Variants in IFNA2 observed in about 807,000 individuals in gnomAD.
IFNA2 encodes interferon alpha-2.
For synonymous variants in IFNA2, 91 were observed against 80.7 expected (o/e 1.13, Z -0.68); for missense variants, 260 against 210.3 (o/e 1.24, Z -1.46).
At position 21,385,027 on chromosome 9, in the gene IFNA2, C is replaced by G. The variant is rs1269890791; in HGVS notation, c.303G>C (p.Glu101Asp). The G allele has an allele frequency of 4.3e-6, 7 of 1,613,826 alleles. No individual in the cohort carries two copies. The highest frequency in any genetic ancestry group is 5.9e-6 in the Non-Finnish European group (7 of 1,179,938). ...CAGTGTAGAATTTGTCTAGGAGGGTCTCATCCCAAGCAGCAGATGAGTCCT... is the reference window on the plus strand; with the variant it reads ...CAGTGTAGAATTTGTCTAGGAGGGTGTCATCCCAAGCAGCAGATGAGTCCT... Reference protein sequence around the residue: ...STKDSSAAWDETLLDKFYTEL... With the variant: ...STKDSSAAWDDTLLDKFYTEL... The change falls in exon 1 of 1, where the codon GAG (glutamate) becomes GAC (aspartate). Residue 101 changes from glutamate to aspartate, a missense_variant. Coordinates refer to ENST00000380206, the MANE Select transcript of IFNA2 (RefSeq NM_000605.4).
At chr9:21,385,146 GA>G in the IFNA2 span, 2 of 1,613,976 alleles carry the variant, frequency 1.2e-6, no homozygotes, top group Non-Finnish European at 1.7e-6. Flanking sequence ...TCCTCCTGGG[GA>G]AATCCAAAGT....
rs1365114080 is a variant in IFNA2 at position 21,385,282 on chromosome 9, G to A, written c.48C>T (p.Cys16=). The A allele has an allele frequency of 6.2e-7, 1 of 1,613,744 alleles. No homozygotes were observed. Among genetic ancestry groups the A allele is most frequent in the Admixed American group, 1.7e-5 (1 of 59,936 alleles). ...CACAGCCCACAGAGCAGCTTGACTT[G>A]CAGCTGAGCACCAGGAGGGCCACCA... The part of the protein sequence containing the change: ...ALLVALLVLS[C]KSSCSVGCDL... Residue 16 remains cysteine, a synonymous_variant, in exon 1 of 1, where the codon TGC becomes TGT. Transcript: ENST00000380206.
Position 21,385,023 on chromosome 9 carries a change from G to A in IFNA2, c.307C>T (p.Leu103Phe), listed in dbSNP as rs1157047267. 2 of 1,613,938 alleles carry A rather than the reference G, an allele frequency of 1.2e-6. No homozygotes were observed. Among genetic ancestry groups the A allele is most frequent in the African/African-American group, 2.7e-5 (2 of 74,994 alleles). ...KDSSAAWDET[L>F]LDKFYTELYQ... Reference sequence around the variant, plus strand: ...AGTTCAGTGTAGAATTTGTCTAGGAGGGTCTCATCCCAAGCAGCAGATGAG... The same window carrying A: ...AGTTCAGTGTAGAATTTGTCTAGGAAGGTCTCATCCCAAGCAGCAGATGAG... Residue 103 changes from leucine to phenylalanine, a missense_variant, in exon 1 of 1, where the codon CTC (leucine) becomes TTC (phenylalanine). By Grantham distance (22) the Leu-to-Phe change is conservative (BLOSUM62 0). Transcript: ENST00000380206.
rs1470237811 is a variant in IFNA2 at position 21,385,110 on chromosome 9, C to T, written c.220G>A (p.Glu74Lys). The T allele has an allele frequency of 1.2e-6, 2 of 1,613,818 alleles. No individual in the cohort carries two copies. The highest frequency in any genetic ancestry group is 1.7e-5 in the Admixed American group (1 of 59,958). ...EEFGNQFQKA[E>K]TIPVLHEMIQ... is the part of the protein sequence containing the mutation. ...ATCTCATGGAGGACAGGGATGGTTT[C>T]AGCCTTTTGGAACTGGTTGCCAAAC... Residue 74 changes from glutamate (E) to lysine (K), a missense_variant, in exon 1 of 1, where the codon GAA becomes AAA. Physicochemically the swap from Glu to Lys is moderately conservative, Grantham distance 56. Coordinates refer to ENST00000380206, the MANE Select transcript of IFNA2 (RefSeq NM_000605.4).
Position 21,385,295 on chromosome 9 carries a change from A to T in IFNA2, c.35T>A (p.Leu12Gln). The change falls in exon 1 of 1, where the codon CTG becomes CAG. Residue 12 changes from leucine to glutamine, a missense_variant. Coordinates refer to ENST00000380206, the MANE Select transcript of IFNA2 (RefSeq NM_000605.4). ...ALTFALLVAL[L>Q]VLSCKSSCSV... is the part of the protein sequence containing the mutation. The stretch of plus-strand genomic sequence containing the variant: ...GCAGCTTGACTTGCAGCTGAGCACC[A>T]GGAGGGCCACCAGTAAAGCAAAGGT... 6.2e-7 allele frequency: 1 copy of T among 1,613,410 alleles called. No individual in the cohort carries two copies. Among genetic ancestry groups the T allele is most frequent in the Non-Finnish European group, 8.5e-7 (1 of 1,179,682 alleles).
the IFNA2 span, chr9:21,384,908 G>GC: frequency 6.2e-7 from 1 of 1,613,860 alleles, no homozygotes; most frequent in Non-Finnish European, 8.5e-7. Flanking sequence ...TTTCCTCACA[G>GC]CCAGAATGGA....
In IFNA2 at chr9:21,384,706, TA is replaced by T; in HGVS notation, c.*56del. On this transcript the variant is annotated 3_prime_UTR_variant, in exon 1 of 1. Coordinates refer to ENST00000380206, the MANE Select transcript of IFNA2 (RefSeq NM_000605.4). ...CATGAGTCTTTGAAATGGCAGATCA[TA>T]AAAAGGTGAGCTGGCATACGAATCA... 6.8e-7 allele frequency: 1 copy of T among 1,475,310 alleles called. No individual in the cohort carries two copies. The highest frequency in any genetic ancestry group is 9.2e-7 in the Non-Finnish European group (1 of 1,091,010). The allele number at this position is 1,475,310 out of a possible 1,614,324, so 91.4% of individuals were successfully genotyped here.
At position 21,384,660 on chromosome 9, in the gene IFNA2, G is replaced by T; in HGVS notation, c.*103C>A. ...AAAAACATTTGAAAAGATTTAAATC[G>T]TGTCATGGTCATAGCAGAAACATGA... On this transcript the variant is annotated 3_prime_UTR_variant, in exon 1 of 1. Transcript: ENST00000380206. 1 of 1,193,310 alleles carries T rather than the reference G, an allele frequency of 8.4e-7. No individual in the cohort carries two copies. The highest frequency in any genetic ancestry group is 1.2e-6 in the Non-Finnish European group (1 of 854,082). The allele number at this position is 1,193,310 out of a possible 1,614,324, so 73.9% of individuals were successfully genotyped here. A position where few individuals can be genotyped will look rare whatever the true frequency, so the allele number is the denominator to read the frequency against.
chr9:21,385,364 A>G lies in IFNA2; in HGVS notation c.-35T>C. The G allele has an allele frequency of 6.5e-7, 1 of 1,548,498 alleles. No homozygotes were observed. Among genetic ancestry groups the G allele is most frequent in the Non-Finnish European group, 8.7e-7 (1 of 1,142,936 alleles). ...TGCAGATGCTGCTAGACTGGTTGAA[A>G]TGGGTGAGCCTAAACCTTAGGCTCC... On this transcript the variant is annotated 5_prime_UTR_variant, in exon 1 of 1. Coordinates refer to ENST00000380206, the MANE Select transcript of IFNA2 (RefSeq NM_000605.4).
chr9:21,384,686 G>T lies in IFNA2; in HGVS notation c.*77C>A. ...TGTCATGGTCATAGCAGAAACATGA[G>T]TCTTTGAAATGGCAGATCATAAAAA... On this transcript the variant is annotated 3_prime_UTR_variant, in exon 1 of 1. Transcript: ENST00000380206. 2 of 1,365,408 alleles carry T rather than the reference G, an allele frequency of 1.5e-6. No individual in the cohort carries two copies. The highest frequency in any genetic ancestry group is 2.0e-6 in the Non-Finnish European group (2 of 996,002). 84.6% of individuals were successfully genotyped at this position (1,365,408 alleles called of 1,614,324 possible).
Position 21,385,349 on chromosome 9 carries a change from G to A in IFNA2, c.-20C>T, listed in dbSNP as rs1267659206. 3 of 1,579,612 alleles carry A rather than the reference G, an allele frequency of 1.9e-6. No individual in the cohort carries two copies. The South Asian group carries it at 3.5e-5, about 18-fold the overall frequency. ...GGCCATTGTAGATGTTGCAGATGCT[G>A]CTAGACTGGTTGAAATGGGTGAGCC... is the stretch of plus-strand genomic sequence containing the variant. On this transcript the variant is annotated 5_prime_UTR_variant, in exon 1 of 1. Transcript: ENST00000380206.
chr9:21,385,041 C>T lies in IFNA2; in HGVS notation c.289G>A (p.Ala97Thr). Residue 97 changes from alanine (A) to threonine (T), a missense_variant, in exon 1 of 1, where the codon GCT (alanine) becomes ACT (threonine). Ala to Thr is a moderately conservative substitution (Grantham distance 58). Coordinates refer to ENST00000380206, the MANE Select transcript of IFNA2 (RefSeq NM_000605.4). The stretch of plus-strand genomic sequence containing the variant: ...TCTAGGAGGGTCTCATCCCAAGCAG[C>T]AGATGAGTCCTTTGTGCTGAAGAGA... ...FNLFSTKDSS[A>T]AWDETLLDKF... The T allele has an allele frequency of 1.2e-6, 2 of 1,613,968 alleles. No individual in the cohort carries two copies. The highest frequency in any genetic ancestry group is 1.7e-6 in the Non-Finnish European group (2 of 1,179,956).
rs758697484 is a variant in IFNA2 at position 21,384,872 on chromosome 9, A to T, written c.458T>A (p.Leu153Gln). Reference sequence around the variant, plus strand: ...ACAAGGGCTGTATTTCTTCTCTTTCAGATAGAGAGTGATTCTTTGGAAGTA... The same window carrying T: ...ACAAGGGCTGTATTTCTTCTCTTTCTGATAGAGAGTGATTCTTTGGAAGTA... ...RKYFQRITLY[L>Q]KEKKYSPCAW... Residue 153 changes from leucine to glutamine, a missense_variant, in exon 1 of 1, where the codon CTG becomes CAG. Physicochemically the swap from Leu to Gln is moderately radical, Grantham distance 113. Transcript: ENST00000380206. 1 of 1,614,082 alleles carries T rather than the reference A, an allele frequency of 6.2e-7. No homozygotes were observed. The highest frequency in any genetic ancestry group is 1.1e-5 in the South Asian group (1 of 91,088).
Position 21,384,962 on chromosome 9 carries a change from A to G in IFNA2, c.368T>C (p.Ile123Thr), listed in dbSNP as rs781191691. The change falls in exon 1 of 1, where the codon ATA becomes ACA. Residue 123 changes from isoleucine (I) to threonine (T), a missense_variant. Physicochemically the swap from Ile to Thr is moderately conservative, Grantham distance 89. Coordinates refer to ENST00000380206, the MANE Select transcript of IFNA2 (RefSeq NM_000605.4). ...AGTCTCTGTCACCCCCACCCCCTGT[A>G]TCACACAGGCTTCCAGGTCATTCAG... The part of the protein sequence containing the change: ...QQLNDLEACV[I>T]QGVGVTETPL... The G allele has an allele frequency of 1.2e-6, 2 of 1,613,900 alleles. No individual in the cohort carries two copies. The highest frequency in any genetic ancestry group is 1.1e-5 in the South Asian group (1 of 91,078).
the IFNA2 span, chr9:21,384,994 G>C: frequency 1.2e-6 from 2 of 1,613,772 alleles, no homozygotes; most frequent in Non-Finnish European, 8.5e-7. Context: ...TCAGCTGCTG[G>C]TAGAGTTCAG....
rs761042316 is a variant in IFNA2 at position 21,385,285 on chromosome 9, G to T, written c.45C>A (p.Ser15Arg). ...FALLVALLVL[S>R]CKSSCSVGCD... The stretch of plus-strand genomic sequence containing the variant: ...AGCCCACAGAGCAGCTTGACTTGCA[G>T]CTGAGCACCAGGAGGGCCACCAGTA... The change falls in exon 1 of 1, where the codon AGC becomes AGA. Residue 15 changes from serine to arginine, a missense_variant. Coordinates refer to ENST00000380206, the MANE Select transcript of IFNA2 (RefSeq NM_000605.4). 12 of 1,613,706 alleles carry T rather than the reference G, an allele frequency of 7.4e-6. No individual in the cohort carries two copies. The South Asian group carries it at 1.3e-4, about 18-fold the overall frequency.
Position 21,385,151 on chromosome 9 carries a change from C to T in IFNA2, c.179G>A (p.Gly60Glu), listed in dbSNP as rs549617429. Reference sequence around the variant, plus strand: ...GTTGCCAAACTCCTCCTGGGGAAATCCAAAGTCATGTCTGTCCTTCAAGCA... The same window carrying T: ...GTTGCCAAACTCCTCCTGGGGAAATTCAAAGTCATGTCTGTCCTTCAAGCA... Reference protein sequence around the residue: ...FSCLKDRHDFGFPQEEFGNQF... With the variant: ...FSCLKDRHDFEFPQEEFGNQF... The change falls in exon 1 of 1, where the codon GGA becomes GAA. Residue 60 changes from glycine to glutamate, a missense_variant. Physicochemically the swap from Gly to Glu is moderately conservative, Grantham distance 98 (BLOSUM62 -2). Coordinates refer to ENST00000380206, the MANE Select transcript of IFNA2 (RefSeq NM_000605.4). The T allele has an allele frequency of 2.5e-6, 4 of 1,613,920 alleles. No individual in the cohort carries two copies. Among genetic ancestry groups the T allele is most frequent in the Middle Eastern group, 1.6e-4 (1 of 6,062 alleles).
chr9:21,384,865 C>G lies in IFNA2; in HGVS notation c.465G>C (p.Glu155Asp). 6.2e-7 allele frequency: 1 copy of G among 1,614,112 alleles called. No homozygotes were observed. ...YFQRITLYLK[E>D]KKYSPCAWEV... ...CCCAGGCACAAGGGCTGTATTTCTTCTCTTTCAGATAGAGAGTGATTCTTT... is the reference window on the plus strand; with the variant it reads ...CCCAGGCACAAGGGCTGTATTTCTTGTCTTTCAGATAGAGAGTGATTCTTT... The change falls in exon 1 of 1, where the codon GAG (glutamate) becomes GAC (aspartate). Residue 155 changes from glutamate (E) to aspartate (D), a missense_variant. Physicochemically the swap from Glu to Asp is conservative, Grantham distance 45. Coordinates refer to ENST00000380206, the MANE Select transcript of IFNA2 (RefSeq NM_000605.4).
In IFNA2 at chr9:21,385,123, C is replaced by G; in HGVS notation, c.207G>C (p.Gln69His). The change falls in exon 1 of 1, where the codon CAG becomes CAC. Residue 69 changes from glutamine (Q) to histidine (H), a missense_variant. Physicochemically the swap from Gln to His is conservative, Grantham distance 24. Transcript: ENST00000380206. ...FGFPQEEFGN[Q>H]FQKAETIPVL... ...CAGGGATGGTTTCAGCCTTTTGGAA[C>G]TGGTTGCCAAACTCCTCCTGGGGAA... 6.2e-7 allele frequency: 1 copy of G among 1,614,024 alleles called. No homozygotes were observed.
Sources: allele counts gnomAD v4.1 joint callset, GRCh38; gene constraint gnomAD v4.1.1; transcripts MANE v1.5; gene names NCBI Gene and HGNC (gene_info 2026-07-23, HGNC 2026-07-21).